Variants in ATRN observed in about 807,000 individuals in gnomAD.
The protein encoded by ATRN is attractin-2.
Under a neutral mutation model 178.7 loss-of-function variants are expected in ATRN, and 54 were observed. The observed-to-expected ratio is 0.30, with a 90% CI of 0.24 to 0.38. The LOEUF (loss-of-function observed/expected upper bound fraction) is 0.38, where lower values mean the gene tolerates loss of function less well. Among genes scored for constraint, ATRN ranks in the 10% least tolerant of loss-of-function variants. The pLI, the probability that ATRN is intolerant of heterozygous loss-of-function variation, is 1.00. For missense variants in ATRN, 1,443 were observed against 1,815.1 expected (o/e 0.79, Z 3.73); for synonymous variants, 636 against 663.0 (o/e 0.96, Z 0.63).
chr20:3,514,029 T>A (rs1396725387), intron 1 of ATRN, among the ~76,000 whole-genome samples: 1 of 152,186 alleles, frequency 6.6e-6, no homozygotes, highest in African/African-American at 2.4e-5. Flanking sequence ...TACAATCATG[T>A]CATCTGACAA....
At chr20:3,567,535 C>CTG (rs374091125) in intron 11 of ATRN, among the ~76,000 whole-genome samples, 1 of 152,098 alleles carries the variant, frequency 6.6e-6, no homozygotes, top group Non-Finnish European at 1.5e-5. Context: ...ATGTAAGTAT[C>CTG]TGTGTGTGTG....
intron 1 of ATRN, among the ~76,000 whole-genome samples, chr20:3,516,038 C>T (rs2085201941): frequency 6.6e-6 from 1 of 152,160 alleles, no homozygotes; most frequent in African/African-American, 2.4e-5. Flanking sequence ...AAATAGTCAA[C>T]AGAACAGGCA....
intron 1 of ATRN, among the ~76,000 whole-genome samples, chr20:3,516,644 A>G (rs921867984): frequency 2.6e-5 from 4 of 152,136 alleles, no homozygotes; most frequent in Non-Finnish European, 5.9e-5. Flanking sequence ...GGCAGCCTGA[A>G]TGAGGCCTGC....
chr20:3,599,607 G>T (rs1463186380), intron 22 of ATRN, among the ~76,000 whole-genome samples: 1 of 152,156 alleles, frequency 6.6e-6, no homozygotes, highest in Admixed American at 6.5e-5. Flanking sequence ...AACCAAGCGT[G>T]GAATGAAAAT....
At chr20:3,517,200 T>G (rs2085217624) in intron 1 of ATRN, among the ~76,000 whole-genome samples, 1 of 151,936 alleles carries the variant, frequency 6.6e-6, no homozygotes, top group African/African-American at 2.4e-5. Context: ...GAAAAAAGAG[T>G]TTTAAAAGTT....
chr20:3,536,141 C>T (rs1322375423), intron 2 of ATRN, among the ~76,000 whole-genome samples: 1 of 152,024 alleles, frequency 6.6e-6, no homozygotes, highest in Non-Finnish European at 1.5e-5. Context: ...ACTTCTCAGA[C>T]TTTTTTGGTC....
chr20:3,542,722 G>A (rs61370277), intron 3 of ATRN, among the ~76,000 whole-genome samples: 156 of 151,478 alleles, frequency 1.0e-3, no homozygotes, highest in African/African-American at 3.7e-3. Flanking sequence ...AACCTCCTGG[G>A]CTCAAGAGAT....
intron 17 of ATRN, among the ~76,000 whole-genome samples, 192 bp downstream of exon 17, chr20:3,584,275 T>C (rs1195465084): frequency 2.0e-5 from 3 of 152,126 alleles, no homozygotes; most frequent in African/African-American, 7.2e-5. Context: ...ATCAGGCACA[T>C]TGACAGTAAA....
intron 1 of ATRN, among the ~76,000 whole-genome samples, chr20:3,510,053 A>G (rs772723071): frequency 2.0e-5 from 3 of 152,176 alleles, no homozygotes; most frequent in Admixed American, 6.5e-5. Context: ...ATACTTTAGT[A>G]TGTATTTTCT....
intron 11 of ATRN, among the ~76,000 whole-genome samples, chr20:3,572,490 A>G (rs918621172): frequency 6.6e-6 from 1 of 152,114 alleles, no homozygotes; most frequent in African/African-American, 2.4e-5. Context: ...GACTTATGAT[A>G]TGTAAGATTT....
At chr20:3,538,799 GC>G (rs1207294731) in intron 2 of ATRN, among the ~76,000 whole-genome samples, 2 of 152,054 alleles carry the variant, frequency 1.3e-5, no homozygotes, top group Non-Finnish European at 2.9e-5. Flanking sequence ...CCTGAGTTCT[GC>G]TTTTGCCCCT....
At chr20:3,554,208 C>G (rs545451185) in intron 6 of ATRN, among the ~76,000 whole-genome samples, 1 of 151,432 alleles carries the variant, frequency 6.6e-6, no homozygotes, top group Non-Finnish European at 1.5e-5. Context: ...ATTTGTTTCA[C>G]GTAAATATTA....
chr20:3,609,550 T>G (rs2086731275), intron 24 of ATRN, among the ~76,000 whole-genome samples: 1 of 152,236 alleles, frequency 6.6e-6, no homozygotes, highest in Non-Finnish European at 1.5e-5. Context: ...GTCAAATATG[T>G]TGATAACTTG....
chr20:3,521,810 G>T (rs1050738982), intron 1 of ATRN, among the ~76,000 whole-genome samples: 3 of 152,094 alleles, frequency 2.0e-5, no homozygotes, highest in African/African-American at 4.8e-5. Context: ...TGAAGACAGG[G>T]TCTCGCTTGC....
At chr20:3,633,615 C>T (rs2087004710) in intron 25 of ATRN, among the ~76,000 whole-genome samples, 1 of 152,158 alleles carries the variant, frequency 6.6e-6, no homozygotes, top group Non-Finnish European at 1.5e-5. Context: ...ACTTGTTAAG[C>T]TTATTCTTCC....
chr20:3,597,931 C>A lies in ATRN; in HGVS notation c.3495C>A (p.Phe1165Leu). The change falls in exon 22 of 29, where the codon TTC becomes TTA. Residue 1165 changes from phenylalanine (F) to leucine (L), a missense_variant. By Grantham distance (22) the Phe-to-Leu change is conservative. Around this residue, in one of 4 missense-constraint regions of ATRN, gnomAD observed 289 missense variants for 440.8 expected, o/e 0.66. Coordinates refer to ENST00000262919, the MANE Select transcript of ATRN (RefSeq NM_139321.3). ...ATACTCTTCTTATTGACTATCAGTT[C>A]ACCTTTAGTCTATCCCAGGAAGATG... ...CYYTLLIDYQFTFSLSQEDDR... is the reference protein window; with the variant it reads ...CYYTLLIDYQLTFSLSQEDDR... 6.2e-7 allele frequency: 1 copy of A among 1,608,190 alleles called. No individual in the cohort carries two copies. Among genetic ancestry groups the A allele is most frequent in the South Asian group, 1.1e-5 (1 of 90,682 alleles).
chr20:3,589,142 C>T (rs2086402918), intron 18 of ATRN, among the ~76,000 whole-genome samples: 1 of 151,996 alleles, frequency 6.6e-6, no homozygotes, highest in Non-Finnish European at 1.5e-5. Flanking sequence ...GCCACCACTC[C>T]TAGCTAATTT....
At chr20:3,526,632 G>A (rs956699436) in intron 1 of ATRN, among the ~76,000 whole-genome samples, 3 of 151,972 alleles carry the variant, frequency 2.0e-5, no homozygotes, top group African/African-American at 7.2e-5. Context: ...AACCAAGACA[G>A]CCCCAAGCAA....
chr20:3,629,196 C>G, intron 25 of ATRN: 1 of 985,376 alleles, frequency 1.0e-6, no homozygotes, highest in South Asian at 4.7e-5. Context: ...GACTTTGGCC[C>G]CTCCAGAATC....
Sources: gnomAD v4.1 joint callset for allele counts (sites outside exome capture counted in the v4.1 genomes callset) on GRCh38, gnomAD v4.1.1 for gene constraint, gnomAD v4.1.1 regional missense constraint, MANE v1.5 for transcripts, NCBI Gene and HGNC (gene_info 2026-07-23, HGNC 2026-07-21) for gene names.